The following MARCHF4 variants were observed in gnomAD, a reference collection of about 807,000 sequenced individuals.
The protein encoded by MARCHF4 is E3 ubiquitin-protein ligase MARCHF4.
A neutral mutation model predicts 43.9 loss-of-function variants in MARCHF4; 14 were observed. The observed-to-expected ratio is 0.32, with a 90% confidence interval of 0.21 to 0.50. The LOEUF is 0.50. Ranked by LOEUF, MARCHF4 falls within the 20% of genes least tolerant of loss-of-function variation. The pLI is 0.98. For synonymous variants in MARCHF4, 226 were observed against 213.3 expected, an observed-to-expected ratio of 1.06 and a Z score of -0.52; for missense variants, 468 against 536.7, an observed-to-expected ratio of 0.87 and a Z score of 1.27.
intron 1 of MARCHF4, among the ~76,000 whole-genome samples, chr2:216,367,680 T>C (rs1426344953): frequency 6.6e-6 from 1 of 152,240 alleles, no homozygotes. Flanking sequence ...ATTCCTTTAC[T>C]GGTGTTAGCT....
intron 1 of MARCHF4, among the ~76,000 whole-genome samples, chr2:216,317,238 C>A (rs116042605): frequency 6.6e-6 from 1 of 152,246 alleles, no homozygotes; most frequent in African/African-American, 2.4e-5. Context: ...ATTTTCTTAT[C>A]TCATAGAAGT....
At position 216,369,925 on chromosome 2, in the gene MARCHF4, A is replaced by C. The variant is rs1279241410; in HGVS notation, c.336T>G (p.Pro112=). The change falls in exon 1 of 4, where the codon CCT becomes CCG. Residue 112 remains proline (P), a synonymous_variant. Coordinates refer to ENST00000273067, the MANE Select transcript of MARCHF4 (RefSeq NM_020814.3). ...PPVPPPPPLP[P]SSVEDDWGGP... Reference sequence around the variant, plus strand: ...CACCCCAGTCATCTTCCACAGAAGAAGGTGGCAAGGGGGGTGGAGGTGGCA... The same window carrying C: ...CACCCCAGTCATCTTCCACAGAAGACGGTGGCAAGGGGGGTGGAGGTGGCA... 24 of 1,610,504 alleles carry C rather than the reference A, an allele frequency of 1.5e-5. No homozygotes were observed. Among genetic ancestry groups the C allele is most frequent in the Middle Eastern group, 1.7e-4 (1 of 5,962 alleles).
chr2:216,362,973 T>A (rs1574488735), intron 1 of MARCHF4, among the ~76,000 whole-genome samples: 1 of 152,096 alleles, frequency 6.6e-6, no homozygotes, highest in East Asian at 1.9e-4. Flanking sequence ...AAGCAGCAGC[T>A]CGCTCATTCC....
intron 1 of MARCHF4, among the ~76,000 whole-genome samples, chr2:216,345,533 T>A (rs1692306480): frequency 6.6e-6 from 1 of 152,170 alleles, no homozygotes; most frequent in South Asian, 2.1e-4. Flanking sequence ...CAACCCTGTC[T>A]GCACATTGGA....
intron 3 of MARCHF4, among the ~76,000 whole-genome samples, chr2:216,261,651 A>G (rs549573489): frequency 7.2e-5 from 11 of 152,324 alleles, no homozygotes; most frequent in African/African-American, 2.4e-4. Flanking sequence ...TCTAACTAGA[A>G]GGGTCAGATG....
intron 1 of MARCHF4, among the ~76,000 whole-genome samples, chr2:216,305,676 T>A (rs1691575523): frequency 6.6e-6 from 1 of 152,220 alleles, no homozygotes; most frequent in African/African-American, 2.4e-5. Flanking sequence ...ACTCAGACTC[T>A]ATGGCCAAGA....
At chr2:216,350,707 A>G (rs1692393968) in intron 1 of MARCHF4, among the ~76,000 whole-genome samples, 1 of 152,118 alleles carries the variant, frequency 6.6e-6, no homozygotes, top group African/African-American at 2.4e-5. Flanking sequence ...TGACTCATGC[A>G]ATCTAAGCAT....
intron 1 of MARCHF4, among the ~76,000 whole-genome samples, chr2:216,301,213 G>T (rs1224452541): frequency 6.6e-6 from 1 of 152,192 alleles, no homozygotes; most frequent in Non-Finnish European, 1.5e-5. Flanking sequence ...CCAAGGGAAA[G>T]GACTCAAACA....
chr2:216,368,625 C>T (rs1032498663), intron 1 of MARCHF4, among the ~76,000 whole-genome samples: 6 of 152,342 alleles, frequency 3.9e-5, no homozygotes, highest in Non-Finnish European at 7.3e-5. Context: ...CAGTCAAAGC[C>T]TGGCATGGCA....
intron 3 of MARCHF4, among the ~76,000 whole-genome samples, chr2:216,271,678 T>A (rs1330189234): frequency 6.6e-6 from 1 of 152,136 alleles, no homozygotes; most frequent in East Asian, 1.9e-4. Flanking sequence ...CAGTCCCAGC[T>A]CTTATTATAT....
chr2:216,289,464 A>G (rs912065153), intron 1 of MARCHF4, among the ~76,000 whole-genome samples: 2 of 152,184 alleles, frequency 1.3e-5, no homozygotes, highest in Non-Finnish European at 2.9e-5. Flanking sequence ...GTCTGTCCCA[A>G]CTAGAAACTT....
chr2:216,284,394 C>A (rs371393283), intron 1 of MARCHF4, among the ~76,000 whole-genome samples: 58 of 152,288 alleles, frequency 3.8e-4, no homozygotes, highest in African/African-American at 1.2e-3. Flanking sequence ...GAGTGGACGG[C>A]AGCATTGGGC....
intron 1 of MARCHF4, among the ~76,000 whole-genome samples, chr2:216,329,896 G>A (rs1692058691): frequency 6.6e-6 from 1 of 151,742 alleles, no homozygotes. Context: ...GACCAGCCTG[G>A]GTAGCATTGT....
Position 216,369,771 on chromosome 2 carries a change from G to A in MARCHF4, c.490C>T (p.Arg164Cys). Residue 164 changes from arginine to cysteine, a missense_variant, in exon 1 of 4, where the codon CGC (arginine) becomes TGC (cysteine). Around this residue, in one of 3 missense-constraint regions of MARCHF4, gnomAD observed 158 missense variants for 251.1 expected, o/e 0.63. Transcript: ENST00000273067. ...TGTTCTGGCCCCTGGAAGCAGATGC[G>A]GCAGAGTGGGGTCCTCATACCACTG... ...LDSGMRTPLC[R>C]ICFQGPEQGE... 6.2e-7 allele frequency: 1 copy of A among 1,600,650 alleles called. No homozygotes were observed. Among genetic ancestry groups the A allele is most frequent in the Non-Finnish European group, 8.5e-7 (1 of 1,170,848 alleles).
rs562513627 is a variant in MARCHF4, at chr2:216,326,768, A to G, written c.516+42977T>C. On this transcript the variant is annotated intron_variant, in intron 1 of 3. Transcript: ENST00000273067. Reference sequence around the variant, plus strand: ...TAGGTGGGAATTGAACAATGAGAACACATGGACACAGGAAGGGGAACATCA... The same window carrying G: ...TAGGTGGGAATTGAACAATGAGAACGCATGGACACAGGAAGGGGAACATCA... Among the ~76,000 whole-genome samples, 1,163 of 146,538 alleles carry G rather than the reference A, an allele frequency of 7.9e-3. 12 individuals are homozygous for G. Among genetic ancestry groups the G allele is most frequent in the African/African-American group, 0.026 (1,047 of 40,158 alleles).
Position 216,357,567 on chromosome 2 carries a change from C to T in MARCHF4, c.516+12178G>A, listed in dbSNP as rs187924776. Among the ~76,000 whole-genome samples, 39 of 152,330 alleles carry T rather than the reference C, an allele frequency of 2.6e-4. No individual in the cohort carries two copies. In the East Asian group the frequency reaches 6.9e-3, roughly 27 times the overall value. On this transcript the variant is annotated intron_variant, in intron 1 of 3. Coordinates refer to ENST00000273067, the MANE Select transcript of MARCHF4 (RefSeq NM_020814.3). ...AACTCCTGGGCTCAAGCAATCTTCCCGCCTTAGTCAGCCAAAGGGCTGGGA... is the reference window on the plus strand; with the variant it reads ...AACTCCTGGGCTCAAGCAATCTTCCTGCCTTAGTCAGCCAAAGGGCTGGGA...
intron 3 of MARCHF4, among the ~76,000 whole-genome samples, chr2:216,277,003 A>T (rs1017705222): frequency 1.2e-4 from 19 of 152,176 alleles, no homozygotes; most frequent in Non-Finnish European, 4.4e-5. Flanking sequence ...AAACCTTTTA[A>T]ACGAAACCTT....
chr2:216,319,123 C>G (rs2105961736), intron 1 of MARCHF4, among the ~76,000 whole-genome samples: 1 of 152,226 alleles, frequency 6.6e-6, no homozygotes, highest in East Asian at 1.9e-4. Context: ...GCCTGGCCAA[C>G]ACGGTGAAAC....
At chr2:216,309,746 G>A (rs981333910) in intron 1 of MARCHF4, among the ~76,000 whole-genome samples, 1 of 152,304 alleles carries the variant, frequency 6.6e-6, no homozygotes, top group Non-Finnish European at 1.5e-5. Context: ...CAGACCAAGG[G>A]ATGAAAATAG....
Sources: allele counts gnomAD v4.1 joint callset (sites outside exome capture counted in the v4.1 genomes callset), GRCh38; gene constraint gnomAD v4.1.1; regional missense constraint gnomAD v4.1.1; transcripts MANE v1.5; gene names NCBI Gene and HGNC (gene_info 2026-07-23, HGNC 2026-07-21).